Variants in PIK3C3 observed in about 807,000 individuals in gnomAD.
PIK3C3 encodes the protein phosphatidylinositol 3-kinase catalytic subunit type 3, also known as PI3-kinase type 3.
PIK3C3 carries 95 observed loss-of-function variants against 126.1 expected under a neutral mutation model. That is an observed-to-expected ratio of 0.75 (90% confidence interval 0.64 to 0.89). The LOEUF is 0.89. Among genes scored for constraint, PIK3C3 ranks in the 40% least tolerant of loss-of-function variants. PIK3C3 has a pLI of 0.00. For synonymous variants in PIK3C3, 374 were observed against 360.0 expected, an observed-to-expected ratio of 1.04 and a Z score of -0.44; for missense variants, 829 against 1,063.2, an observed-to-expected ratio of 0.78 and a Z score of 3.06.
At chr18:41,990,348 C>T in intron 5 of PIK3C3, 111 bp from the exon 6 acceptor site, 3 of 668,708 alleles carry the variant, frequency 4.5e-6, no homozygotes, top group Non-Finnish European at 2.7e-6. Flanking sequence ...TATGTTTTGA[C>T]TTGTATTTGA....
rs543449109 is a variant in PIK3C3, at chr18:41,988,872, A to G, written c.618+974A>G. Among the ~76,000 whole-genome samples the G allele has an allele frequency of 1.0e-3, 152 of 152,262 alleles. 3 individuals are homozygous for G. In the South Asian group the frequency reaches 0.011, roughly 11 times the overall value. ...TCAAAAAGAGTTTACTCATAATACTAACTTATATTTTTCTCTTCTTAAACT... is the reference window on the plus strand; with the variant it reads ...TCAAAAAGAGTTTACTCATAATACTGACTTATATTTTTCTCTTCTTAAACT... On this transcript the variant is annotated intron_variant, in intron 5 of 24. Coordinates refer to ENST00000262039, the MANE Select transcript of PIK3C3 (RefSeq NM_002647.4).
chr18:42,054,244 G>A (rs1286478859), intron 21 of PIK3C3, among the ~76,000 whole-genome samples: 2 of 137,670 alleles, frequency 1.5e-5, no homozygotes, highest in Non-Finnish European at 3.1e-5. Flanking sequence ...CCCATTATAG[G>A]CTGTCTGCAG....
Position 42,076,133 on chromosome 18 carries a change from T to TATATATGCAC in PIK3C3, c.2650-4984_2650-4983insGCACATATAT, listed in dbSNP as rs1555643384. 2.1e-4 allele frequency among the ~76,000 whole-genome samples: 19 copies of TATATATGCAC among 91,796 alleles called. 1 individual carries two copies. Among genetic ancestry groups the TATATATGCAC allele is most frequent in the African/African-American group, 7.6e-4 (12 of 15,702 alleles). The allele number at this position is 91,796 out of a possible 152,430, so 60.2% of individuals were successfully genotyped here. On this transcript the variant is annotated intron_variant, in intron 24 of 24. Coordinates refer to ENST00000262039, the MANE Select transcript of PIK3C3 (RefSeq NM_002647.4). ...ATATATATATATATGCGCATATATA[T>TATATATGCAC]ATATATATATGCGCATATATATATA...
chr18:42,037,202 C>T (rs533904839), intron 16 of PIK3C3, among the ~76,000 whole-genome samples: 2 of 152,278 alleles, frequency 1.3e-5, no homozygotes, highest in East Asian at 3.9e-4. Flanking sequence ...CTTCACTTTG[C>T]ATCTGGTACA....
chr18:41,966,057 G>C (rs1375974105), intron 3 of PIK3C3, among the ~76,000 whole-genome samples: 7 of 151,864 alleles, frequency 4.6e-5, no homozygotes, highest in Non-Finnish European at 1.0e-4. Context: ...AATGAAACCT[G>C]TTAGAGAGAA....
chr18:41,992,361 A>T (rs999131199), intron 6 of PIK3C3, among the ~76,000 whole-genome samples: 8 of 152,082 alleles, frequency 5.3e-5, no homozygotes, highest in African/African-American at 1.4e-4. Flanking sequence ...CGGCTGTGGG[A>T]ATTTGTGGTT....
intron 6 of PIK3C3, among the ~76,000 whole-genome samples, chr18:41,992,313 T>C (rs1981818175): frequency 6.6e-6 from 1 of 152,172 alleles, no homozygotes; most frequent in South Asian, 2.1e-4. Flanking sequence ...ATAAATGTGT[T>C]TTCTGGTGTT....
At chr18:42,039,117 A>G (rs553697609) in intron 18 of PIK3C3, among the ~76,000 whole-genome samples, 6 of 152,250 alleles carry the variant, frequency 3.9e-5, no homozygotes, top group Non-Finnish European at 4.4e-5. Flanking sequence ...ACACATACAC[A>G]TACACACACA....
intron 22 of PIK3C3, among the ~76,000 whole-genome samples, chr18:42,064,205 T>G (rs956229846): frequency 2.0e-5 from 3 of 152,210 alleles, no homozygotes; most frequent in Non-Finnish European, 4.4e-5. Flanking sequence ...CAATTTTTTC[T>G]TTCTTATAGA....
Position 41,980,890 on chromosome 18 carries a change from T to C in PIK3C3, c.532-6922T>C, listed in dbSNP as rs77991018. ...AAATCAAAATATAGGATCCTAGATA[T>C]AACATTTGGGTTGAGCAGAAGAGTC... On this transcript the variant is annotated intron_variant, in intron 4 of 24. Coordinates refer to ENST00000262039, the MANE Select transcript of PIK3C3 (RefSeq NM_002647.4). 3.8e-3 allele frequency among the ~76,000 whole-genome samples: 579 copies of C among 152,310 alleles called. 9 individuals are homozygous for C. Among genetic ancestry groups the C allele is most frequent in the African/African-American group, 0.013 (539 of 41,572 alleles).
chr18:41,991,805 T>C (rs1279041946), intron 6 of PIK3C3, among the ~76,000 whole-genome samples: 1 of 152,166 alleles, frequency 6.6e-6, no homozygotes. Flanking sequence ...TAAATGGTAC[T>C]CCTTGGATAG....
At position 42,082,530 on chromosome 18, in the gene PIK3C3, C is replaced by CT. The variant is rs1419229155; in HGVS notation, c.*1394dup. On this transcript the variant is annotated 3_prime_UTR_variant, in exon 25 of 25. Coordinates refer to ENST00000262039, the MANE Select transcript of PIK3C3 (RefSeq NM_002647.4). ...AAACTAAATGGGCAGGCTCCATCGT[C>CT]TACCTTTCTTTTTCTTTTCTTCACA... 6.6e-6 allele frequency: 1 copy of CT among 152,186 alleles called. No homozygotes were observed. Among genetic ancestry groups the CT allele is most frequent in the Non-Finnish European group, 1.5e-5 (1 of 68,030 alleles). 9.4% of individuals were successfully genotyped at this position (152,186 alleles called of 1,614,324 possible). A position where few individuals can be genotyped will look rare whatever the true frequency, so the allele number is the denominator to read the frequency against.
In PIK3C3 at chr18:42,064,997, C is replaced by G. The variant is rs558043679; in HGVS notation, c.2523+167C>G. Among the ~76,000 whole-genome samples, 17 of 152,224 alleles carry G rather than the reference C, an allele frequency of 1.1e-4. No individual in the cohort carries two copies. In the East Asian group the frequency reaches 2.7e-3, roughly 24 times the overall value. On this transcript the variant is annotated intron_variant, in intron 23 of 24. Coordinates refer to ENST00000262039, the MANE Select transcript of PIK3C3 (RefSeq NM_002647.4). The stretch of plus-strand genomic sequence containing the variant: ...CTGGAGAGACAGTTTGCTTGCTACT[C>G]CAGCCCTGCAGTCACAGGGAGGAGG...
chr18:42,005,187 G>A (rs1982483933), intron 10 of PIK3C3, among the ~76,000 whole-genome samples: 1 of 152,156 alleles, frequency 6.6e-6, no homozygotes, highest in Non-Finnish European at 1.5e-5. Context: ...AGACATCATG[G>A]AGTATACTTA....
At position 42,053,734 on chromosome 18, in the gene PIK3C3, T is replaced by C. The variant is rs1031280451; in HGVS notation, c.2263+4129T>C. Among the ~76,000 whole-genome samples the C allele has an allele frequency of 3.9e-5, 6 of 152,250 alleles. No individual in the cohort carries two copies. In the South Asian group the frequency reaches 6.2e-4, roughly 16 times the overall value. ...TGGAGAAAGGTTAATTTTTTTGTTT[T>C]TATTTTTGGGAGTTTGAGGAAAGAG... On this transcript the variant is annotated intron_variant, in intron 21 of 24. Transcript: ENST00000262039.
chr18:42,016,294 C>T (rs990169920), intron 12 of PIK3C3, among the ~76,000 whole-genome samples: 2 of 152,022 alleles, frequency 1.3e-5, no homozygotes, highest in African/African-American at 4.8e-5. Flanking sequence ...TTCGGTATAA[C>T]AAAATATTCA....
chr18:41,991,634 T>C (rs1285397866), intron 6 of PIK3C3, among the ~76,000 whole-genome samples: 2 of 152,198 alleles, frequency 1.3e-5, no homozygotes, highest in Non-Finnish European at 1.5e-5. Context: ...TATACTTTTA[T>C]AAATTACTAT....
chr18:41,985,913 G>A (rs967038851), intron 4 of PIK3C3, among the ~76,000 whole-genome samples: 1 of 152,050 alleles, frequency 6.6e-6, no homozygotes, highest in Non-Finnish European at 1.5e-5. Flanking sequence ...AGTAAAGGAG[G>A]AAAAAAGTTC....
intron 12 of PIK3C3, among the ~76,000 whole-genome samples, chr18:42,016,054 A>C (rs1173027230): frequency 1.3e-5 from 2 of 152,186 alleles, no homozygotes; most frequent in Non-Finnish European, 2.9e-5. Flanking sequence ...GCAGAAGCTG[A>C]TGTAGTACAT....
Sources: gnomAD v4.1 joint callset for allele counts (sites outside exome capture counted in the v4.1 genomes callset) on GRCh38, gnomAD v4.1.1 for gene constraint, MANE v1.5 for transcripts, NCBI Gene and HGNC (gene_info 2026-07-23, HGNC 2026-07-21) for gene names.